ADGRV1: variants seen among roughly 807,000 people sequenced by gnomAD.
ADGRV1 encodes the protein G-protein coupled receptor 98.
ADGRV1 carries 359 observed loss-of-function variants against 596.2 expected under a neutral mutation model. The observed-to-expected ratio is 0.60, with a 90% CI of 0.55 to 0.66. The LOEUF is 0.66. Ranked by LOEUF, ADGRV1 falls within the 30% of genes least tolerant of loss-of-function variation. ADGRV1 has a pLI of 0.00. For missense variants in ADGRV1, 7,274 were observed against 7,575.6 expected (o/e 0.96, Z 1.48); for synonymous variants, 2,681 against 2,679.2 (o/e 1.00, Z -0.02).
intron 1 of ADGRV1, among the ~76,000 whole-genome samples, chr5:90,597,738 G>C (rs1278127099): frequency 6.9e-6 from 1 of 145,292 alleles, no homozygotes; most frequent in Non-Finnish European, 1.5e-5. Context: ...GAGGGAGAGA[G>C]AAGAGAAGAG....
intron 9 of ADGRV1, among the ~76,000 whole-genome samples, chr5:90,633,247 T>C (rs1252461686): frequency 6.6e-6 from 1 of 152,190 alleles, no homozygotes. Context: ...AATTAACATT[T>C]TCTTTTCCAT....
chr5:90,753,011 G>A (rs1262993859), intron 53 of ADGRV1, among the ~76,000 whole-genome samples: 1 of 126,726 alleles, frequency 7.9e-6, no homozygotes, highest in Non-Finnish European at 1.8e-5. Flanking sequence ...CTATCAGCAA[G>A]GTCTTCCATG....
chr5:91,106,781 T>G (rs976436594), intron 87 of ADGRV1, among the ~76,000 whole-genome samples: 40 of 152,150 alleles, frequency 2.6e-4, no homozygotes, highest in African/African-American at 9.2e-4. Context: ...GTGAAGTTGG[T>G]GAAATTTAGG....
intron 81 of ADGRV1, among the ~76,000 whole-genome samples, chr5:90,855,028 C>T (rs1448994665): frequency 6.6e-6 from 1 of 152,032 alleles, no homozygotes; most frequent in Non-Finnish European, 1.5e-5. Context: ...ATGAATGTTT[C>T]AAGCTGCATC....
chr5:90,718,622 T>C (rs992018030), intron 43 of ADGRV1, among the ~76,000 whole-genome samples: 2 of 152,092 alleles, frequency 1.3e-5, no homozygotes, highest in African/African-American at 2.4e-5. Flanking sequence ...TTCATTGTCA[T>C]GGTTTTTTTT....
chr5:90,839,041 C>A (rs1002583074), intron 77 of ADGRV1, among the ~76,000 whole-genome samples: 1 of 152,082 alleles, frequency 6.6e-6, no homozygotes, highest in African/African-American at 2.4e-5. Flanking sequence ...ATGCTCATTC[C>A]CTACTATATC....
At chr5:90,797,886 C>A (rs1232671608) in intron 70 of ADGRV1, among the ~76,000 whole-genome samples, 1 of 152,086 alleles carries the variant, frequency 6.6e-6, no homozygotes, top group Non-Finnish European at 1.5e-5. Flanking sequence ...CCAATGAGAA[C>A]AAAGACACAA....
rs1754983339 is a variant in ADGRV1 at position 90,749,231 on chromosome 5, C to A, written c.10975-1320C>A. Among the ~76,000 whole-genome samples, 4 of 152,154 alleles carry A rather than the reference C, an allele frequency of 2.6e-5. No individual in the cohort carries two copies. In the South Asian group the frequency reaches 8.3e-4, roughly 32 times the overall value. On this transcript the variant is annotated intron_variant, in intron 52 of 89. Coordinates refer to ENST00000405460, the MANE Select transcript of ADGRV1 (RefSeq NM_032119.4). Reference sequence around the variant, plus strand: ...TTCTTTCAATCTGTTCAGTAGAATTCTTCATTACAGGTCTTTGATGTCTGG... The same window carrying A: ...TTCTTTCAATCTGTTCAGTAGAATTATTCATTACAGGTCTTTGATGTCTGG...
intron 86 of ADGRV1, among the ~76,000 whole-genome samples, chr5:91,082,716 G>C (rs1014789140): frequency 6.6e-6 from 1 of 152,098 alleles, no homozygotes; most frequent in Non-Finnish European, 1.5e-5. Flanking sequence ...GGCAACGAAA[G>C]CACTGTGTTT....
intron 83 of ADGRV1, among the ~76,000 whole-genome samples, chr5:90,868,686 G>A (rs896210353): frequency 9.3e-5 from 12 of 129,270 alleles, no homozygotes; most frequent in African/African-American, 3.2e-4. Flanking sequence ...GTATTTAAAT[G>A]TGTCTTTATG....
intron 73 of ADGRV1, among the ~76,000 whole-genome samples, chr5:90,809,369 GATTAT>G (rs889997634): frequency 3.3e-4 from 49 of 149,646 alleles, no homozygotes; most frequent in African/African-American, 1.2e-3. Flanking sequence ...TTACAAAGTA[GATTAT>G]ATTATTTGTC....
rs1580905929 is a variant in ADGRV1, at chr5:90,729,673, G to A, written c.10458G>A (p.Trp3486Ter). Residue 3486 changes from tryptophan to a stop codon, truncating the protein, a stop_gained, in exon 50 of 90, where the codon TGG (tryptophan) becomes TGA (stop). Transcript: ENST00000405460. LOFTEE classifies it high-confidence loss of function. The stretch of plus-strand genomic sequence containing the variant: ...AGAATTCAATTGATATTTTCATCTG[G>A]GAGATGGGACAGTCTTCCTTCAGGT... ...GDQNSIDIFI[W>*]EMGQSSFRYF... 2 of 1,606,490 alleles carry A rather than the reference G, an allele frequency of 1.2e-6. No individual in the cohort carries two copies. Among genetic ancestry groups the A allele is most frequent in the Non-Finnish European group, 1.7e-6 (2 of 1,173,908 alleles).
At chr5:90,658,978 T>A (rs1036457094) in intron 21 of ADGRV1, among the ~76,000 whole-genome samples, 3 of 152,138 alleles carry the variant, frequency 2.0e-5, no homozygotes, top group Non-Finnish European at 4.4e-5. Context: ...TCTAATTGGT[T>A]TAGAAGGATG....
At chr5:90,774,043 T>C in intron 59 of ADGRV1, 143 bp from the exon 60 acceptor site, 3 of 408,626 alleles carry the variant, frequency 7.3e-6, no homozygotes, top group Non-Finnish European at 1.3e-5. Context: ...AGTAATTCTT[T>C]CTAGCTGCAA....
chr5:91,142,133 G>T (rs1190077236), intron 87 of ADGRV1, among the ~76,000 whole-genome samples: 5 of 152,258 alleles, frequency 3.3e-5, no homozygotes, highest in Middle Eastern at 3.4e-3. Context: ...AGAATTAGAG[G>T]ACTGAAACCA....
intron 85 of ADGRV1, among the ~76,000 whole-genome samples, chr5:91,027,144 AACACACACACACACAC>A (rs1184010778): frequency 2.2e-4 from 29 of 129,216 alleles, no homozygotes; most frequent in East Asian, 1.6e-3. Flanking sequence ...ACAGTCTCAA[AACACACACACACACAC>A]ACACACACAC....
chr5:90,741,859 G>A lies in ADGRV1; in HGVS notation c.10550-3187G>A, dbSNP rs79787804. Reference sequence around the variant, plus strand: ...GTTCAAGGGCTTTCTTATTTTGAATGTGTCAAATATTTTATTAAAAGTATT... The same window carrying A: ...GTTCAAGGGCTTTCTTATTTTGAATATGTCAAATATTTTATTAAAAGTATT... On this transcript the variant is annotated intron_variant, in intron 50 of 89. Coordinates refer to ENST00000405460, the MANE Select transcript of ADGRV1 (RefSeq NM_032119.4). Among the ~76,000 whole-genome samples, 202 of 152,252 alleles carry A rather than the reference G, an allele frequency of 1.3e-3. 3 individuals carry two copies. The East Asian group carries it at 0.034, about 26-fold the overall frequency.
chr5:90,653,994 T>C, intron 20 of ADGRV1, 42 bp downstream of exon 20: 1 of 1,545,956 alleles, frequency 6.5e-7, no homozygotes, highest in Non-Finnish European at 8.7e-7. Flanking sequence ...AATTTGCAGT[T>C]TCTAAAATTT....
intron 87 of ADGRV1, among the ~76,000 whole-genome samples, chr5:91,145,500 A>G (rs187423658): frequency 7.9e-5 from 12 of 152,328 alleles, no homozygotes; most frequent in Admixed American, 5.9e-4. Context: ...GGTCATACCC[A>G]TGTGAAAAGT....
Sources: gnomAD v4.1 joint callset for allele counts (sites outside exome capture counted in the v4.1 genomes callset) on GRCh38, gnomAD v4.1.1 for gene constraint, MANE v1.5 for transcripts, NCBI Gene and HGNC (gene_info 2026-07-23, HGNC 2026-07-21) for gene names.